The following FGF14 variants were observed in gnomAD, a reference collection of about 807,000 sequenced individuals.
FGF14 encodes the protein fibroblast growth factor homologous factor 4.
Under a neutral mutation model 25.5 loss-of-function variants are expected in FGF14, and 5 were observed. The observed-to-expected ratio is 0.20, with a 90% confidence interval of 0.10 to 0.41. The LOEUF (loss-of-function observed/expected upper bound fraction) is 0.41, where lower values mean the gene tolerates loss of function less well. Ranked by LOEUF, FGF14 falls within the 10% of genes least tolerant of loss-of-function variation. The probability of loss-of-function intolerance (pLI) is 1.00; values close to 1 mark genes in which losing one functional copy is unlikely to be tolerated. For missense variants in FGF14, 222 were observed against 320.1 expected, an observed-to-expected ratio of 0.69 and a Z score of 2.34; for synonymous variants, 138 against 118.3, an observed-to-expected ratio of 1.17 and a Z score of -1.08.
chr13:102,191,885 C>T (rs148703592), intron 1 of FGF14, among the ~76,000 whole-genome samples: 1 of 152,148 alleles, frequency 6.6e-6, no homozygotes, highest in East Asian at 1.9e-4. Flanking sequence ...ATAGCCATTC[C>T]CATTCCAAAA....
chr13:102,277,015 T>C (rs1271988962), intron 1 of FGF14, among the ~76,000 whole-genome samples: 1 of 152,146 alleles, frequency 6.6e-6, no homozygotes, highest in Non-Finnish European at 1.5e-5. Context: ...GATGGAAGGA[T>C]TAATATGTTG....
intron 1 of FGF14, among the ~76,000 whole-genome samples, chr13:102,308,916 C>CAAAAAAAAAAAAA (rs71125061): frequency 8.1e-5 from 5 of 61,962 alleles, no homozygotes; most frequent in East Asian, 3.6e-4. Context: ...GTTTCTTATA[C>CAAAAAAAAAAAAA]AAAAAAAAAA....
At chr13:101,740,701 G>C (rs576127525) in intron 3 of FGF14, among the ~76,000 whole-genome samples, 70 of 152,180 alleles carry the variant, frequency 4.6e-4, no homozygotes, top group African/African-American at 1.5e-3. Flanking sequence ...TAAGTTTCCA[G>C]AGTGCTTTCT....
At chr13:102,236,270 T>C (rs2051323721) in intron 1 of FGF14, among the ~76,000 whole-genome samples, 1 of 152,174 alleles carries the variant, frequency 6.6e-6, no homozygotes, top group Non-Finnish European at 1.5e-5. Flanking sequence ...GAACCCTCTC[T>C]TGGGGTCTGG....
intron 3 of FGF14, among the ~76,000 whole-genome samples, chr13:101,826,261 C>A (rs1029054770): frequency 1.3e-5 from 2 of 151,958 alleles, no homozygotes; most frequent in African/African-American, 2.4e-5. Context: ...AACCTCCCCC[C>A]GTCCCCGATA....
intron 1 of FGF14, among the ~76,000 whole-genome samples, chr13:102,117,464 C>T (rs657886): frequency 0.027 from 4,091 of 152,156 alleles, 177 homozygotes; most frequent in African/African-American, 0.093. Flanking sequence ...AACTCGGCTT[C>T]GTAGAGGAAT....
At chr13:102,375,929 G>GA (rs368145813) in intron 1 of FGF14, among the ~76,000 whole-genome samples, 227 of 152,138 alleles carry the variant, frequency 1.5e-3, no homozygotes, top group African/African-American at 5.3e-3. Context: ...TAATTGAAAT[G>GA]AAAAAACTGT....
chr13:101,862,334 T>C lies in FGF14; in HGVS notation c.408+6391A>G, dbSNP rs9585796. 2.6e-3 allele frequency among the ~76,000 whole-genome samples: 395 copies of C among 152,216 alleles called. 2 individuals carry two copies. Among genetic ancestry groups the C allele is most frequent in the African/African-American group, 9.0e-3 (372 of 41,562 alleles). The stretch of plus-strand genomic sequence containing the variant: ...TGACTACTGCTGTTCTATTATCTTC[T>C]TTCCTTTATATTTATTTTTTTTCCT... On this transcript the variant is annotated intron_variant, in intron 3 of 4. Coordinates refer to ENST00000376143, the MANE Select transcript of FGF14 (RefSeq NM_004115.4).
chr13:102,105,136 G>C (rs2044847587), intron 1 of FGF14, among the ~76,000 whole-genome samples: 1 of 152,198 alleles, frequency 6.6e-6, no homozygotes, highest in Non-Finnish European at 1.5e-5. Flanking sequence ...ACAGAAAAAT[G>C]AGGCTAGTTG....
intron 1 of FGF14, among the ~76,000 whole-genome samples, chr13:102,228,837 T>C (rs1272237432): frequency 6.6e-6 from 1 of 152,218 alleles, no homozygotes; most frequent in Non-Finnish European, 1.5e-5. Context: ...CTCTGTCCTA[T>C]GCAAGCTGAA....
At chr13:102,327,631 T>A (rs552214608) in intron 1 of FGF14, among the ~76,000 whole-genome samples, 1 of 152,144 alleles carries the variant, frequency 6.6e-6, no homozygotes, top group Non-Finnish European at 1.5e-5. Context: ...AGCCAGAAAT[T>A]CGAGACCAGC....
chr13:102,001,098 G>A (rs2039470077), intron 1 of FGF14, among the ~76,000 whole-genome samples: 1 of 152,098 alleles, frequency 6.6e-6, no homozygotes, highest in Non-Finnish European at 1.5e-5. Context: ...AAACCAAGAA[G>A]GAAGATCTAA....
intron 1 of FGF14, among the ~76,000 whole-genome samples, chr13:102,072,172 G>A (rs1267501368): frequency 1.3e-5 from 2 of 152,156 alleles, no homozygotes; most frequent in Non-Finnish European, 2.9e-5. Flanking sequence ...GGCATTATAA[G>A]AGGCAGAGAT....
At chr13:101,812,594 TTTTTA>T (rs1168494878) in intron 3 of FGF14, among the ~76,000 whole-genome samples, 2 of 134,602 alleles carry the variant, frequency 1.5e-5, no homozygotes, top group Non-Finnish European at 3.1e-5. Context: ...TATCACTATT[TTTTTA>T]TATTTTTAAA....
chr13:101,905,931 T>A (rs556468839), intron 1 of FGF14, among the ~76,000 whole-genome samples: 2 of 152,122 alleles, frequency 1.3e-5, no homozygotes, highest in African/African-American at 2.4e-5. Flanking sequence ...CTCTCATCCA[T>A]GAAATGAAAA....
At chr13:102,180,233 A>C (rs778497419) in intron 1 of FGF14, among the ~76,000 whole-genome samples, 7 of 152,152 alleles carry the variant, frequency 4.6e-5, no homozygotes, top group Non-Finnish European at 1.0e-4. Flanking sequence ...AATCATTAGG[A>C]CTATTTACTG....
At chr13:102,366,618 C>CAAAAAA (rs57953786) in intron 1 of FGF14, 20 of 46,772 alleles carry the variant, frequency 4.3e-4, no homozygotes, top group African/African-American at 9.9e-4. Context: ...ATTCTCCTTG[C>CAAAAAA]AAAAAAAAAA....
At chr13:102,373,061 C>T (rs1365167646) in intron 1 of FGF14, among the ~76,000 whole-genome samples, 2 of 152,072 alleles carry the variant, frequency 1.3e-5, no homozygotes, top group Non-Finnish European at 2.9e-5. Context: ...ATTGACTTTT[C>T]GTACCCAGGT....
chr13:102,094,647 C>T (rs2044309591), intron 1 of FGF14, among the ~76,000 whole-genome samples: 1 of 152,164 alleles, frequency 6.6e-6, no homozygotes, highest in African/African-American at 2.4e-5. Context: ...TTTTATACAG[C>T]TGCTAACTCC....
Sources: allele counts gnomAD v4.1 joint callset (sites outside exome capture counted in the v4.1 genomes callset), GRCh38; gene constraint gnomAD v4.1.1; transcripts MANE v1.5; gene names NCBI Gene and HGNC (gene_info 2026-07-23, HGNC 2026-07-21).